Variants in ZBTB7C observed in about 807,000 individuals in gnomAD.
The protein encoded by ZBTB7C is zinc finger and BTB domain-containing protein 7C.
ZBTB7C carries 8 observed loss-of-function variants against 25.7 expected under a neutral mutation model. The observed-to-expected ratio is 0.31, with a 90% confidence interval of 0.18 to 0.56. The LOEUF (loss-of-function observed/expected upper bound fraction) is 0.56. Among genes scored for constraint, ZBTB7C ranks in the 20% least tolerant of loss-of-function variants. ZBTB7C has a pLI of 0.91. For synonymous variants in ZBTB7C, 394 were observed against 369.0 expected (o/e 1.07, Z -0.78); for missense variants, 824 against 855.2 (o/e 0.96, Z 0.46).
chr18:48,279,872 AG>A (rs2044779928), intron 2 of ZBTB7C, among the ~76,000 whole-genome samples: 2 of 152,252 alleles, frequency 1.3e-5, no homozygotes, highest in South Asian at 4.1e-4. Flanking sequence ...CCTTGAAGAA[AG>A]GGGATGAAGG....
chr18:48,089,267 A>G (rs11661599), intron 3 of ZBTB7C, among the ~76,000 whole-genome samples: 30,895 of 151,568 alleles, frequency 0.2, 3,225 homozygotes, highest in Admixed American at 0.27. Flanking sequence ...TCAGGAGTTC[A>G]AAACCAGCCT....
chr18:48,342,081 G>A (rs1363020971), intron 1 of ZBTB7C, among the ~76,000 whole-genome samples: 2 of 152,194 alleles, frequency 1.3e-5, no homozygotes, highest in East Asian at 1.9e-4. Context: ...CCCCTCCCCC[G>A]ACATCATATT....
At chr18:48,232,018 C>T (rs1371999331) in intron 2 of ZBTB7C, among the ~76,000 whole-genome samples, 2 of 152,216 alleles carry the variant, frequency 1.3e-5, no homozygotes, top group Non-Finnish European at 2.9e-5. Flanking sequence ...TCACATACCC[C>T]TCGCTGCTCC....
At chr18:48,335,418 G>A (rs192070616) in intron 2 of ZBTB7C, among the ~76,000 whole-genome samples, 46 of 152,222 alleles carry the variant, frequency 3.0e-4, no homozygotes, top group African/African-American at 8.9e-4. Flanking sequence ...TTCAGGAACC[G>A]CCTGAAGGTC....
intron 4 of ZBTB7C, among the ~76,000 whole-genome samples, chr18:48,037,585 G>A (rs74499404): frequency 9.4e-4 from 143 of 152,344 alleles, no homozygotes; most frequent in African/African-American, 3.4e-3. Context: ...CCTCACAGAA[G>A]GCTGTGCGTG....
intron 3 of ZBTB7C, among the ~76,000 whole-genome samples, chr18:48,120,897 C>T (rs911158882): frequency 1.3e-5 from 2 of 152,248 alleles, no homozygotes; most frequent in African/African-American, 2.4e-5. Flanking sequence ...TGCACACTTA[C>T]ATCCCTGGAA....
chr18:48,381,963 C>T (rs1392693582), intron 1 of ZBTB7C, among the ~76,000 whole-genome samples: 2 of 152,226 alleles, frequency 1.3e-5, no homozygotes, highest in Non-Finnish European at 2.9e-5. Context: ...ATGTCAATTG[C>T]ATTATTCCCT....
At chr18:48,366,978 T>C (rs1433647939) in intron 1 of ZBTB7C, among the ~76,000 whole-genome samples, 1 of 151,876 alleles carries the variant, frequency 6.6e-6, no homozygotes. Flanking sequence ...AAAGGAACCA[T>C]GTGACTACTG....
At chr18:48,167,597 T>TGTGTGTGTGTGTGTGTGTGTGTGTGC (rs779870966) in intron 3 of ZBTB7C, among the ~76,000 whole-genome samples, 47 of 148,042 alleles carry the variant, frequency 3.2e-4, no homozygotes, top group African/African-American at 8.4e-4. Flanking sequence ...TGTGTGTGTG[T>TGTGTGTGTGTGTGTGTGTGTGTGTGC]GCGCGCGTGC....
At position 48,212,642 on chromosome 18, in the gene ZBTB7C, A is replaced by G. The variant is rs2042728580; in HGVS notation, c.-78-26647T>C. On this transcript the variant is annotated intron_variant, in intron 2 of 4. Coordinates refer to ENST00000590800, the MANE Select transcript of ZBTB7C (RefSeq NM_001318841.2). Reference sequence around the variant, plus strand: ...TTCTGCTCAATTTTGCTGTGAACCTAAAACTGCTGTGAAAAGTAAATTTTA... The same window carrying G: ...TTCTGCTCAATTTTGCTGTGAACCTGAAACTGCTGTGAAAAGTAAATTTTA... 2.0e-5 allele frequency among the ~76,000 whole-genome samples: 3 copies of G among 152,126 alleles called. No individual in the cohort carries two copies. In the South Asian group the frequency reaches 6.2e-4, roughly 32 times the overall value.
At chr18:48,091,832 T>C (rs112888043) in intron 3 of ZBTB7C, among the ~76,000 whole-genome samples, 15 of 152,192 alleles carry the variant, frequency 9.9e-5, no homozygotes, top group African/African-American at 3.4e-4. Flanking sequence ...TGTCCAATGA[T>C]ACCTTCAGAG....
At chr18:48,068,920 G>A (rs990454004) in intron 3 of ZBTB7C, among the ~76,000 whole-genome samples, 3 of 152,216 alleles carry the variant, frequency 2.0e-5, no homozygotes, top group East Asian at 1.9e-4. Flanking sequence ...CGAGGACATC[G>A]TAGTGGGAGA....
Position 48,399,675 on chromosome 18 carries a change from C to T in ZBTB7C, c.-304+9551G>A, listed in dbSNP as rs867650442. Among the ~76,000 whole-genome samples the T allele has an allele frequency of 6.6e-5, 10 of 152,182 alleles. 1 individual carries two copies. The highest frequency in any genetic ancestry group is 4.2e-4 in the South Asian group (2 of 4,816). ...CCCTTTCCTGTCTGGGAGTTGGGGTCGTCAGGTAGACACAAGCCAGTTACT... is the reference window on the plus strand; with the variant it reads ...CCCTTTCCTGTCTGGGAGTTGGGGTTGTCAGGTAGACACAAGCCAGTTACT... On this transcript the variant is annotated intron_variant, in intron 1 of 4. Coordinates refer to ENST00000590800, the MANE Select transcript of ZBTB7C (RefSeq NM_001318841.2).
intron 2 of ZBTB7C, among the ~76,000 whole-genome samples, chr18:48,323,361 CACA>C (rs2046142158): frequency 6.6e-6 from 1 of 152,202 alleles, no homozygotes; most frequent in African/African-American, 2.4e-5. Context: ...ATATAATCCT[CACA>C]ACATTCCTCT....
intron 2 of ZBTB7C, among the ~76,000 whole-genome samples, chr18:48,291,819 G>C (rs1280227042): frequency 6.6e-6 from 1 of 152,162 alleles, no homozygotes; most frequent in African/African-American, 2.4e-5. Flanking sequence ...GCTTTCTGGA[G>C]TTTGGAGGCA....
intron 2 of ZBTB7C, among the ~76,000 whole-genome samples, chr18:48,253,505 T>A (rs2043930512): frequency 6.6e-6 from 1 of 152,042 alleles, no homozygotes. Context: ...ACTGTAGCCT[T>A]GAGAGAGTGT....
chr18:48,131,480 T>G (rs7240202), intron 3 of ZBTB7C, among the ~76,000 whole-genome samples: 39,708 of 152,062 alleles, frequency 0.26, 5,647 homozygotes, highest in Middle Eastern at 0.34. Context: ...GTTTTTTTTT[T>G]TGTGTGTAAT....
intron 1 of ZBTB7C, among the ~76,000 whole-genome samples, chr18:48,406,316 C>T (rs114427392): frequency 6.6e-6 from 1 of 152,144 alleles, no homozygotes. Flanking sequence ...CTTCACACCG[C>T]CCCTGCTGGA....
chr18:48,403,773 A>G (rs1462975810), intron 1 of ZBTB7C, among the ~76,000 whole-genome samples: 3 of 152,192 alleles, frequency 2.0e-5, no homozygotes, highest in Non-Finnish European at 2.9e-5. Flanking sequence ...AAGCACCACT[A>G]AAGAACTTAC....
Sources: allele counts gnomAD v4.1 joint callset (sites outside exome capture counted in the v4.1 genomes callset), GRCh38; gene constraint gnomAD v4.1.1; transcripts MANE v1.5; gene names NCBI Gene and HGNC (gene_info 2026-07-23, HGNC 2026-07-21).